CHRM3: variants seen among roughly 807,000 people sequenced by gnomAD.
CHRM3 encodes cholinergic receptor muscarinic 3, also known as muscarinic acetylcholine receptor M3.
In CHRM3, 11 loss-of-function variants were observed where a neutral mutation model predicts 41.8. The ratio of observed to expected loss-of-function variants is 0.26; its 90% CI spans 0.17 to 0.44. The LOEUF (loss-of-function observed/expected upper bound fraction) is 0.44. Among genes scored for constraint, CHRM3 ranks in the 20% least tolerant of loss-of-function variants. CHRM3 has a pLI of 1.00. For synonymous variants in CHRM3, 297 were observed against 301.4 expected (o/e 0.99, Z 0.15); for missense variants, 571 against 745.4 (o/e 0.77, Z 2.72).
chr1:239,866,131 A>G (rs1436844537), intron 6 of CHRM3, among the ~76,000 whole-genome samples: 1 of 152,110 alleles, frequency 6.6e-6, no homozygotes, highest in East Asian at 1.9e-4. Flanking sequence ...CAATCTCAGC[A>G]CTTTGGGAGG....
At chr1:239,607,893 T>C (rs754041053) in intron 3 of CHRM3, among the ~76,000 whole-genome samples, 1 of 152,220 alleles carries the variant, frequency 6.6e-6, no homozygotes, top group Non-Finnish European at 1.5e-5. Context: ...GTGTTCTGCA[T>C]TCTGTTTTAT....
At chr1:239,450,727 C>T (rs904462489) in intron 1 of CHRM3, among the ~76,000 whole-genome samples, 2 of 152,192 alleles carry the variant, frequency 1.3e-5, no homozygotes, top group Non-Finnish European at 2.9e-5. Context: ...CATCATTTTG[C>T]ACTTCTGCCA....
intron 1 of CHRM3, among the ~76,000 whole-genome samples, chr1:239,399,500 C>A (rs1206336569): frequency 2.0e-5 from 3 of 152,122 alleles, no homozygotes; most frequent in African/African-American, 7.2e-5. Flanking sequence ...ATCTCCCCAA[C>A]CATCACCCCT....
At chr1:239,538,157 A>T (rs1254736471) in intron 2 of CHRM3, among the ~76,000 whole-genome samples, 1 of 152,230 alleles carries the variant, frequency 6.6e-6, no homozygotes, top group African/African-American at 2.4e-5. Context: ...AATGGCTAAA[A>T]TAATGAGATT....
chr1:239,780,418 A>G (rs73125284), intron 5 of CHRM3, among the ~76,000 whole-genome samples: 5,984 of 152,246 alleles, frequency 0.039, 387 homozygotes, highest in African/African-American at 0.14. Flanking sequence ...CCAACTGTAT[A>G]TCCTCTTTGG....
chr1:239,664,340 G>A (rs578050732), intron 4 of CHRM3, among the ~76,000 whole-genome samples: 3 of 152,258 alleles, frequency 2.0e-5, no homozygotes, highest in East Asian at 3.9e-4. Flanking sequence ...AGTGTCAAAG[G>A]CATTGTTAAA....
At chr1:239,618,551 G>A (rs947860203) in intron 3 of CHRM3, among the ~76,000 whole-genome samples, 13 of 151,796 alleles carry the variant, frequency 8.6e-5, no homozygotes, top group Admixed American at 5.2e-4. Context: ...TCACTTAAAA[G>A]ATAGTCAAGA....
At chr1:239,638,948 T>A (rs1230121131) in intron 4 of CHRM3, among the ~76,000 whole-genome samples, 1 of 152,172 alleles carries the variant, frequency 6.6e-6, no homozygotes, top group Non-Finnish European at 1.5e-5. Flanking sequence ...ATATAAGGTA[T>A]AAGGAAGGGA....
intron 1 of CHRM3, among the ~76,000 whole-genome samples, chr1:239,409,768 C>G (rs1660922630): frequency 6.6e-6 from 1 of 152,110 alleles, no homozygotes; most frequent in African/African-American, 2.4e-5. Flanking sequence ...TGGTGAAACC[C>G]CGTCTCTACT....
chr1:239,870,985 C>T (rs72760709), intron 6 of CHRM3, among the ~76,000 whole-genome samples: 40 of 152,148 alleles, frequency 2.6e-4, no homozygotes, highest in African/African-American at 7.7e-4. Context: ...CCCAGACTGG[C>T]GGGGACGTGC....
At chr1:239,554,244 G>A (rs533609288) in intron 3 of CHRM3, among the ~76,000 whole-genome samples, 2 of 152,284 alleles carry the variant, frequency 1.3e-5, no homozygotes, top group Admixed American at 1.3e-4. Flanking sequence ...TGAAAAGAAA[G>A]TCATGTTGTA....
chr1:239,793,754 T>G (rs1211141686), intron 5 of CHRM3, among the ~76,000 whole-genome samples: 1 of 151,742 alleles, frequency 6.6e-6, no homozygotes, highest in Non-Finnish European at 1.5e-5. Context: ...TATCACAACT[T>G]ATTCTGTTAG....
At chr1:239,822,991 A>C (rs181213073) in intron 5 of CHRM3, among the ~76,000 whole-genome samples, 65 of 152,352 alleles carry the variant, frequency 4.3e-4, no homozygotes, top group Non-Finnish European at 8.4e-4. Flanking sequence ...CTTCAAAGAA[A>C]GAAAGAAAGA....
chr1:239,897,597 CTGTT>C (rs1679118331), intron 6 of CHRM3, among the ~76,000 whole-genome samples: 1 of 152,098 alleles, frequency 6.6e-6, no homozygotes, highest in Admixed American at 6.5e-5. Context: ...ATCAGCAAAT[CTGTT>C]TGCAGTGGAA....
intron 1 of CHRM3, among the ~76,000 whole-genome samples, chr1:239,477,824 G>A (rs1390133691): frequency 6.6e-6 from 1 of 152,198 alleles, no homozygotes; most frequent in Non-Finnish European, 1.5e-5. Context: ...CAGAGGAGCA[G>A]GAGAGCTGAG....
intron 5 of CHRM3, among the ~76,000 whole-genome samples, chr1:239,738,757 C>T (rs955238703): frequency 6.6e-6 from 1 of 152,104 alleles, no homozygotes; most frequent in African/African-American, 2.4e-5. Context: ...TTTTCTGCTC[C>T]CTCAAGAGGG....
In CHRM3 at chr1:239,909,310, T is replaced by C; in HGVS notation, c.*86T>C. The C allele has an allele frequency of 7.2e-7, 1 of 1,390,326 alleles. No individual in the cohort carries two copies. The highest frequency in any genetic ancestry group is 1.4e-5 in the South Asian group (1 of 70,440). 86.1% of individuals were successfully genotyped at this position (1,390,326 alleles called of 1,614,324 possible). A position where few individuals can be genotyped will look rare whatever the true frequency, so the allele number is the denominator to read the frequency against. ...AGGAAGGCGAGGGCGGGGTGACTTC[T>C]GGTGATGATAAAAATGGTTTTATCA... On this transcript the variant is annotated 3_prime_UTR_variant, in exon 7 of 7. Transcript: ENST00000676153.
At chr1:239,652,702 T>C (rs1370025710) in intron 4 of CHRM3, among the ~76,000 whole-genome samples, 3 of 152,056 alleles carry the variant, frequency 2.0e-5, no homozygotes, top group Non-Finnish European at 4.4e-5. Context: ...TCTTTCTGAG[T>C]TTCCTCCACT....
At chr1:239,559,639 T>G (rs887872326) in intron 3 of CHRM3, among the ~76,000 whole-genome samples, 2 of 152,186 alleles carry the variant, frequency 1.3e-5, no homozygotes, top group African/African-American at 2.4e-5. Flanking sequence ...ACATTATTGT[T>G]AGTTGCGAGA....
Sources: gnomAD v4.1 joint callset for allele counts (sites outside exome capture counted in the v4.1 genomes callset) on GRCh38, gnomAD v4.1.1 for gene constraint, MANE v1.5 for transcripts, NCBI Gene and HGNC (gene_info 2026-07-23, HGNC 2026-07-21) for gene names.